Variants in MMS22L observed in about 807,000 individuals in gnomAD.
The protein encoded by MMS22L is protein MMS22-like.
MMS22L carries 74 observed loss-of-function variants against 159.1 expected under a neutral mutation model. That is an observed-to-expected ratio of 0.47 (90% CI 0.39 to 0.56). MMS22L has a LOEUF of 0.56. Among genes scored for constraint, MMS22L ranks in the 20% least tolerant of loss-of-function variants. The probability of loss-of-function intolerance (pLI) is 0.00; values close to 1 mark genes in which losing one functional copy is unlikely to be tolerated. For missense variants in MMS22L, 1,351 were observed against 1,422.1 expected, an observed-to-expected ratio of 0.95 and a Z score of 0.80; for synonymous variants, 517 against 506.9, an observed-to-expected ratio of 1.02 and a Z score of -0.27.
At chr6:97,259,503 G>A (rs1814211873) in intron 9 of MMS22L, 1 of 152,060 alleles carries the variant, frequency 6.6e-6, no homozygotes, top group South Asian at 2.1e-4. Flanking sequence ...GCTTCATACT[G>A]AAACACTGTT....
At chr6:97,164,930 C>T (rs1802814357) in intron 21 of MMS22L, among the ~76,000 whole-genome samples, 2 of 151,920 alleles carry the variant, frequency 1.3e-5, no homozygotes, top group South Asian at 4.2e-4. Context: ...AATATAATTA[C>T]TGTGTTTTAT....
chr6:97,149,825 C>A (rs773997150), intron 24 of MMS22L, 28 bp downstream of exon 24: 3 of 1,549,018 alleles, frequency 1.9e-6, no homozygotes, highest in African/African-American at 1.4e-5. Context: ...CACTGCCCCC[C>A]CCAATGTAAT....
At chr6:97,259,938 G>A (rs1235978840) in intron 9 of MMS22L, 1 of 152,148 alleles carries the variant, frequency 6.6e-6, no homozygotes, top group Non-Finnish European at 1.5e-5. Flanking sequence ...GGGATTGCTA[G>A]GGTCAAAGTT....
At chr6:97,257,289 C>A (rs1813919749) in intron 9 of MMS22L, among the ~76,000 whole-genome samples, 1 of 152,134 alleles carries the variant, frequency 6.6e-6, no homozygotes, top group Non-Finnish European at 1.5e-5. Context: ...TCAAAATTAG[C>A]CTACTATACC....
In MMS22L at chr6:97,282,288, G is replaced by A. The variant is rs199544575; in HGVS notation, c.164+26C>T. 2.5e-6 allele frequency: 4 copies of A among 1,609,930 alleles called. No individual in the cohort carries two copies. The East Asian group carries it at 8.9e-5, about 36-fold the overall frequency. On this transcript the variant is annotated intron_variant, in intron 2 of 24. Transcript: ENST00000683635. ...AAAAACTGGTGAATAATCAGATGAG[G>A]GAAAATGTCTCTGAGTTTTACCTAC...
chr6:97,159,817 C>T (rs982269539), intron 22 of MMS22L, among the ~76,000 whole-genome samples: 17 of 151,866 alleles, frequency 1.1e-4, no homozygotes, highest in Admixed American at 3.3e-4. Context: ...AGTCCTGCTG[C>T]TAAGATACCT....
At chr6:97,202,728 G>T (rs536567995) in intron 14 of MMS22L, among the ~76,000 whole-genome samples, 1 of 152,124 alleles carries the variant, frequency 6.6e-6, no homozygotes, top group Admixed American at 6.5e-5. Context: ...CTTTGTTCAA[G>T]ATTTAACTGT....
At position 97,162,181 on chromosome 6, in the gene MMS22L, A is replaced by AT; in HGVS notation, c.3222-17dup. 6.3e-7 allele frequency: 1 copy of AT among 1,583,418 alleles called. No individual in the cohort carries two copies. The highest frequency in any genetic ancestry group is 8.5e-7 in the Non-Finnish European group (1 of 1,170,438). Reference sequence around the variant, plus strand: ...GTAGGATTTCCTGAAAAGAAGCAAAATTTGTTTATTCTCTGCTTAAAGCTT... The same window carrying AT: ...GTAGGATTTCCTGAAAAGAAGCAAAATTTTGTTTATTCTCTGCTTAAAGCTT... On this transcript the variant is annotated splice_polypyrimidine_tract_variant and intron_variant, in intron 21 of 24. Coordinates refer to ENST00000683635, the MANE Select transcript of MMS22L (RefSeq NM_001350599.2).
chr6:97,255,767 A>G (rs62413942), intron 9 of MMS22L, among the ~76,000 whole-genome samples: 7 of 89,242 alleles, frequency 7.8e-5, no homozygotes, highest in Non-Finnish European at 1.5e-4. Flanking sequence ...ATGCATGTGT[A>G]TTTCTCCTTG....
chr6:97,267,768 A>G (rs376760034), intron 8 of MMS22L, 104 bp downstream of exon 8: 1 of 1,037,606 alleles, frequency 9.6e-7, no homozygotes. Flanking sequence ...ATAAAATTAG[A>G]ACATATAAAG....
chr6:97,251,550 T>C (rs1813234044), intron 10 of MMS22L, among the ~76,000 whole-genome samples: 1 of 152,196 alleles, frequency 6.6e-6, no homozygotes, highest in Admixed American at 6.5e-5. Context: ...TATACACATA[T>C]ATATTACACA....
At chr6:97,264,814 A>G (rs1403131806) in intron 8 of MMS22L, 2 of 152,128 alleles carry the variant, frequency 1.3e-5, no homozygotes, top group African/African-American at 4.8e-5. Flanking sequence ...ACAAAAATAA[A>G]AATACTTAGG....
In MMS22L at chr6:97,174,849, A is replaced by C. The variant is rs967106830; in HGVS notation, c.2680-1627T>G. Among the ~76,000 whole-genome samples, 21 of 152,334 alleles carry C rather than the reference A, an allele frequency of 1.4e-4. No homozygotes were observed. The South Asian group carries it at 4.3e-3, about 32-fold the overall frequency. On this transcript the variant is annotated intron_variant, in intron 18 of 24. Transcript: ENST00000683635. The stretch of plus-strand genomic sequence containing the variant: ...GGTGACATTAAAGTTGGACATGCTG[A>C]CAATAAAATGTGAAATGAAAAAGAT...
At chr6:97,275,216 T>C (rs1582872594) in intron 4 of MMS22L, among the ~76,000 whole-genome samples, 1 of 152,186 alleles carries the variant, frequency 6.6e-6, no homozygotes, top group East Asian at 1.9e-4. Context: ...ATACAAATAG[T>C]TTCAGAAATG....
rs1458467732 is a variant in MMS22L at position 97,144,846 on chromosome 6, G to A, written c.*1960C>T. On this transcript the variant is annotated 3_prime_UTR_variant, in exon 25 of 25. Transcript: ENST00000683635. ...AAAACATATAATACACACACATATT[G>A]TTACACACTTTGTTGTTACCATTCT... The A allele has an allele frequency of 6.6e-6, 1 of 151,738 alleles. No homozygotes were observed. Among genetic ancestry groups the A allele is most frequent in the Admixed American group, 6.6e-5 (1 of 15,246 alleles). 9.4% of individuals were successfully genotyped at this position (151,738 alleles called of 1,614,324 possible).
At chr6:97,151,932 T>C in intron 22 of MMS22L, 65 bp from the exon 23 acceptor site, 6 of 1,179,610 alleles carry the variant, frequency 5.1e-6, no homozygotes, top group Non-Finnish European at 7.5e-6. Flanking sequence ...CTCATTTTTA[T>C]GAACACTCTT....
In MMS22L at chr6:97,173,181, A is replaced by T. The variant is rs1323219961; in HGVS notation, c.2721T>A (p.Asp907Glu). 1 of 1,613,842 alleles carries T rather than the reference A, an allele frequency of 6.2e-7. No homozygotes were observed. Among genetic ancestry groups the T allele is most frequent in the South Asian group, 1.1e-5 (1 of 91,050 alleles). Residue 907 changes from aspartate to glutamate, a missense_variant, in exon 19 of 25, where the codon GAT becomes GAA. Coordinates refer to ENST00000683635, the MANE Select transcript of MMS22L (RefSeq NM_001350599.2). ...VTYGNVQTLS[D>E]KSAMVTKSLE... ...AGGACTTTGTGACCATGGCAGATTTATCAGAAAGTGTCTGGACGTTCCCGT... is the reference window on the plus strand; with the variant it reads ...AGGACTTTGTGACCATGGCAGATTTTTCAGAAAGTGTCTGGACGTTCCCGT...
At chr6:97,159,114 T>C (rs1211876152) in intron 22 of MMS22L, among the ~76,000 whole-genome samples, 1 of 146,936 alleles carries the variant, frequency 6.8e-6, no homozygotes, top group Non-Finnish European at 1.5e-5. Context: ...TATCAGAGAC[T>C]AGGACTGCAA....
intron 9 of MMS22L, among the ~76,000 whole-genome samples, chr6:97,257,180 T>C (rs1813903798): frequency 6.6e-6 from 1 of 152,236 alleles, no homozygotes; most frequent in Non-Finnish European, 1.5e-5. Flanking sequence ...TTTTTAACTA[T>C]AGTTAGAAGT....
Sources: allele counts gnomAD v4.1 joint callset (sites outside exome capture counted in the v4.1 genomes callset), GRCh38; gene constraint gnomAD v4.1.1; transcripts MANE v1.5; gene names NCBI Gene and HGNC (gene_info 2026-07-23, HGNC 2026-07-21).